Variants in CDH4 observed in about 807,000 individuals in gnomAD.
The protein encoded by CDH4 is cadherin-4.
A neutral mutation model predicts 86.0 loss-of-function variants in CDH4; 33 were observed. That is an observed-to-expected ratio of 0.38 (90% CI 0.29 to 0.51). CDH4 has a LOEUF of 0.51. Ranked by LOEUF, CDH4 falls within the 20% of genes least tolerant of loss-of-function variation. The pLI is 0.86. For synonymous variants in CDH4, 555 were observed against 549.4 expected, an observed-to-expected ratio of 1.01 and a Z score of -0.14; for missense variants, 1,114 against 1,307.4, an observed-to-expected ratio of 0.85 and a Z score of 2.28.
intron 2 of CDH4, among the ~76,000 whole-genome samples, chr20:61,327,231 G>A (rs565810140): frequency 8.5e-5 from 13 of 152,232 alleles, no homozygotes; most frequent in African/African-American, 3.1e-4. Context: ...AAAAATTGAA[G>A]TTCTTCACTG....
At chr20:61,863,384 A>G (rs1372691079) in intron 6 of CDH4, among the ~76,000 whole-genome samples, 1 of 152,088 alleles carries the variant, frequency 6.6e-6, no homozygotes, top group African/African-American at 2.4e-5. Flanking sequence ...GCCTCCAGAG[A>G]AAGCCCTAGA....
intron 2 of CDH4, among the ~76,000 whole-genome samples, chr20:61,472,201 G>A (rs1022845661): frequency 6.6e-6 from 1 of 152,174 alleles, no homozygotes; most frequent in African/African-American, 2.4e-5. Flanking sequence ...GGGCGCATAT[G>A]TATTTATAAT....
chr20:61,604,487 C>T (rs149007329), intron 2 of CDH4, among the ~76,000 whole-genome samples: 26 of 152,250 alleles, frequency 1.7e-4, no homozygotes, highest in Admixed American at 3.3e-4. Context: ...TATTCCCAGG[C>T]GAGAGGCCAG....
At chr20:61,599,733 C>T in intron 2 of CDH4, 16 of 936,794 alleles carry the variant, frequency 1.7e-5, no homozygotes, top group Non-Finnish European at 2.0e-5. Context: ...CCCCGCTCCT[C>T]CTCCTGACGC....
chr20:61,324,436 G>A (rs1371254219), intron 2 of CDH4, among the ~76,000 whole-genome samples: 2 of 152,156 alleles, frequency 1.3e-5, no homozygotes, highest in African/African-American at 4.8e-5. Context: ...GTAGTTCTAG[G>A]GGAGGACCCT....
At chr20:61,296,628 G>A (rs776782572) in intron 2 of CDH4, among the ~76,000 whole-genome samples, 2 of 152,092 alleles carry the variant, frequency 1.3e-5, no homozygotes, top group Non-Finnish European at 1.5e-5. Flanking sequence ...ATTAGAATAG[G>A]TACTTTTTTT....
At chr20:61,581,115 A>G (rs2145718862) in intron 2 of CDH4, among the ~76,000 whole-genome samples, 1 of 152,328 alleles carries the variant, frequency 6.6e-6, no homozygotes, top group Middle Eastern at 3.4e-3. Flanking sequence ...TCCTCCCAGG[A>G]GTCGCCTTGC....
At position 61,703,944 on chromosome 20, in the gene CDH4, G is replaced by A. The variant is rs555213516; in HGVS notation, c.170-39619G>A. Among the ~76,000 whole-genome samples the A allele has an allele frequency of 6.6e-6, 1 of 152,262 alleles. No individual in the cohort carries two copies. Among genetic ancestry groups the A allele is most frequent in the South Asian group, 2.1e-4 (1 of 4,822 alleles). On this transcript the variant is annotated intron_variant, in intron 2 of 15. Coordinates refer to ENST00000614565, the MANE Select transcript of CDH4 (RefSeq NM_001794.5). This position sits in a 1 kb window ranked among gnomAD's most constrained non-coding sequence, Gnocchi z 4.3. ...ATGAAAAGGTTGAGCTGGAGCAGAG[G>A]CAGGGGTGTGGTTGGGATGAGGGTG...
At chr20:61,258,133 T>C (rs1006421915) in intron 2 of CDH4, among the ~76,000 whole-genome samples, 1 of 151,776 alleles carries the variant, frequency 6.6e-6, no homozygotes, top group Admixed American at 6.6e-5. Context: ...ATGGAGACCA[T>C]CCTGGCTAAC....
rs546596142 is a variant in CDH4 at position 61,690,059 on chromosome 20, G to A, written c.170-53504G>A. Among the ~76,000 whole-genome samples, 9 of 151,812 alleles carry A rather than the reference G, an allele frequency of 5.9e-5. No homozygotes were observed. In the East Asian group the frequency reaches 9.7e-4, roughly 16 times the overall value. On this transcript the variant is annotated intron_variant, in intron 2 of 15. Transcript: ENST00000614565. ...TGAGGTGATGTGGTCATCCGGCAGGGACGGTGAGTTGGTGAGGTGATGTGG... is the reference window on the plus strand; with the variant it reads ...TGAGGTGATGTGGTCATCCGGCAGGAACGGTGAGTTGGTGAGGTGATGTGG...
chr20:61,619,800 A>C (rs576054801), intron 2 of CDH4, among the ~76,000 whole-genome samples: 119 of 152,336 alleles, frequency 7.8e-4, no homozygotes, highest in African/African-American at 2.7e-3. Flanking sequence ...AACCTACACA[A>C]CAGGGAAGAG....
intron 2 of CDH4, among the ~76,000 whole-genome samples, chr20:61,486,762 G>A (rs1265589806): frequency 6.6e-6 from 1 of 152,112 alleles, no homozygotes; most frequent in Non-Finnish European, 1.5e-5. Flanking sequence ...GGTAGTATGT[G>A]CCTGTAGTCC....
At chr20:61,457,898 G>GATGGTC (rs1476306636) in intron 2 of CDH4, among the ~76,000 whole-genome samples, 11 of 151,360 alleles carry the variant, frequency 7.3e-5, no homozygotes, top group African/African-American at 2.4e-4. Context: ...TAGTGGTGGT[G>GATGGTC]ATGGTCATGG....
intron 13 of CDH4, among the ~76,000 whole-genome samples, chr20:61,931,582 G>A (rs1016148860): frequency 3.9e-5 from 6 of 152,222 alleles, no homozygotes; most frequent in Middle Eastern, 3.2e-3. Flanking sequence ...GGCCTCAGTC[G>A]TTACATCTGT....
intron 2 of CDH4, among the ~76,000 whole-genome samples, chr20:61,390,620 T>C (rs1363171441): frequency 1.4e-5 from 2 of 146,852 alleles, no homozygotes; most frequent in Non-Finnish European, 3.0e-5. Flanking sequence ...GAAACCCCAA[T>C]TGAGATCGTA....
At chr20:61,365,057 G>C (rs575967343) in intron 2 of CDH4, among the ~76,000 whole-genome samples, 73 of 152,198 alleles carry the variant, frequency 4.8e-4, no homozygotes, top group Non-Finnish European at 9.7e-4. Context: ...ATATGGAATG[G>C]ATCTCCTTTG....
chr20:61,829,542 A>C lies in CDH4; in HGVS notation c.577-15126A>C, dbSNP rs1383895904. 6.6e-6 allele frequency among the ~76,000 whole-genome samples: 1 copy of C among 152,196 alleles called. No homozygotes were observed. Among genetic ancestry groups the C allele is most frequent in the African/African-American group, 2.4e-5 (1 of 41,448 alleles). On this transcript the variant is annotated intron_variant, in intron 4 of 15. Transcript: ENST00000614565. The surrounding 1 kb of genome is among the most constrained non-coding windows in gnomAD (Gnocchi z 4.2). Reference sequence around the variant, plus strand: ...GGGATTGCTGGGTCACGCATGCAGCAGCTCTGCTCGCCTTTCTGGAGGCCA... The same window carrying C: ...GGGATTGCTGGGTCACGCATGCAGCCGCTCTGCTCGCCTTTCTGGAGGCCA...
intron 2 of CDH4, among the ~76,000 whole-genome samples, chr20:61,682,543 A>G (rs116137293): frequency 0.016 from 2,450 of 150,496 alleles, 63 homozygotes; most frequent in African/African-American, 0.058. Flanking sequence ...ATACATGGAT[A>G]GGTGGAGGGA....
chr20:61,545,497 C>T (rs892476099), intron 2 of CDH4, among the ~76,000 whole-genome samples: 1 of 152,240 alleles, frequency 6.6e-6, no homozygotes, highest in Non-Finnish European at 1.5e-5. Context: ...GTCTGGCGTT[C>T]AGTCACTGTC....
Sources: gnomAD v4.1 joint callset for allele counts (sites outside exome capture counted in the v4.1 genomes callset) on GRCh38, gnomAD v4.1.1 for gene constraint, Gnocchi (gnomAD v3.1) non-coding constraint, MANE v1.5 for transcripts, NCBI Gene and HGNC (gene_info 2026-07-23, HGNC 2026-07-21) for gene names.